TMPRSS15: variants seen among roughly 807,000 people sequenced by gnomAD.
TMPRSS15 encodes transmembrane serine protease 15, also known as enteropeptidase.
TMPRSS15 carries 128 observed loss-of-function variants against 125.3 expected under a neutral mutation model. The observed-to-expected ratio is 1.02, with a 90% confidence interval of 0.89 to 1.18. The LOEUF is 1.18. Ranked by LOEUF, TMPRSS15 falls within the 50% of genes most tolerant of loss-of-function variation. TMPRSS15 has a pLI of 0.00. For synonymous variants in TMPRSS15, 446 were observed against 423.2 expected, an observed-to-expected ratio of 1.05 and a Z score of -0.66; for missense variants, 1,283 against 1,212.7, an observed-to-expected ratio of 1.06 and a Z score of -0.86.
intron 13 of TMPRSS15, among the ~76,000 whole-genome samples, chr21:18,336,005 C>T (rs1472399398): frequency 1.3e-5 from 2 of 151,240 alleles, no homozygotes; most frequent in Non-Finnish European, 2.9e-5. Context: ...TCTTACTATG[C>T]CAATAGGGAT....
At chr21:18,438,426 T>C (rs567420323) in intron 1 of TMPRSS15, among the ~76,000 whole-genome samples, 42 of 152,070 alleles carry the variant, frequency 2.8e-4, no homozygotes, top group African/African-American at 9.6e-4. Context: ...TGTATACATA[T>C]GTAACTAACC....
intron 21 of TMPRSS15, among the ~76,000 whole-genome samples, chr21:18,292,968 A>G (rs1271860200): frequency 1.3e-5 from 2 of 152,176 alleles, no homozygotes; most frequent in African/African-American, 2.4e-5. Flanking sequence ...GTAACACTCA[A>G]TGGATAGAAT....
chr21:18,280,753 A>G (rs552389489), intron 22 of TMPRSS15, among the ~76,000 whole-genome samples: 2 of 152,148 alleles, frequency 1.3e-5, no homozygotes, highest in Non-Finnish European at 1.5e-5. Flanking sequence ...GAGGGCATGC[A>G]TAATAACATC....
chr21:18,315,130 T>C lies in TMPRSS15; in HGVS notation c.2032+16A>G, dbSNP rs2075147951. 6.3e-7 allele frequency: 1 copy of C among 1,598,266 alleles called. No individual in the cohort carries two copies. ...GGCTAAAGTCATAAAAGTATTTTCC[T>C]AAAAATAAGACATACCACAATCTGC... is the stretch of plus-strand genomic sequence containing the variant. On this transcript the variant is annotated intron_variant, in intron 17 of 24. Coordinates refer to ENST00000284885, the MANE Select transcript of TMPRSS15 (RefSeq NM_002772.3).
chr21:18,364,749 GATTTCCAC>G (rs1296954902), intron 7 of TMPRSS15, among the ~76,000 whole-genome samples: 2 of 152,190 alleles, frequency 1.3e-5, no homozygotes, highest in Non-Finnish European at 2.9e-5. Context: ...CACCTTTAGA[GATTTCCAC>G]ATGGTAAGCA....
At chr21:18,343,005 T>A (rs534763707) in intron 12 of TMPRSS15, among the ~76,000 whole-genome samples, 1 of 152,342 alleles carries the variant, frequency 6.6e-6, no homozygotes, top group East Asian at 1.9e-4. Flanking sequence ...CACCTTAATG[T>A]GAAATAAATG....
intron 1 of TMPRSS15, among the ~76,000 whole-genome samples, chr21:18,456,674 T>C (rs1978447636): frequency 6.6e-6 from 1 of 152,106 alleles, no homozygotes; most frequent in Non-Finnish European, 1.5e-5. Flanking sequence ...GAGCTGTATA[T>C]TATTCATTAA....
intron 18 of TMPRSS15, among the ~76,000 whole-genome samples, chr21:18,298,423 T>C (rs940999793): frequency 2.6e-5 from 4 of 152,208 alleles, no homozygotes; most frequent in African/African-American, 4.8e-5. Context: ...ACTATGCAGC[T>C]TTGGCCTGCA....
intron 17 of TMPRSS15, among the ~76,000 whole-genome samples, chr21:18,314,078 C>A (rs866573580): frequency 4.6e-5 from 7 of 151,920 alleles, no homozygotes; most frequent in Admixed American, 4.6e-4. Flanking sequence ...GTCTTACCTA[C>A]AAACACTATG....
In TMPRSS15 at chr21:18,427,077, G is replaced by A. The variant is rs1199110345; in HGVS notation, c.11-28748C>T. ...CCATTTCATTGTAATTAATATCACTGGTTATTAGCTGTTCTTACAAAGGAA... is the reference window on the plus strand; with the variant it reads ...CCATTTCATTGTAATTAATATCACTAGTTATTAGCTGTTCTTACAAAGGAA... On this transcript the variant is annotated intron_variant, in intron 1 of 7. Coordinates refer to the TMPRSS15 transcript ENST00000422787. Among the ~76,000 whole-genome samples, 8 of 152,176 alleles carry A rather than the reference G, an allele frequency of 5.3e-5. No individual in the cohort carries two copies. The South Asian group carries it at 1.4e-3, about 28-fold the overall frequency.
intron 24 of TMPRSS15, among the ~76,000 whole-genome samples, chr21:18,270,336 T>C (rs1304013643): frequency 6.6e-6 from 1 of 152,180 alleles, no homozygotes; most frequent in Non-Finnish European, 1.5e-5. Flanking sequence ...AAGACATCAT[T>C]TATAATTTTT....
At chr21:18,380,616 A>C (rs2075884555) in intron 4 of TMPRSS15, 1 of 470,454 alleles carries the variant, frequency 2.1e-6, no homozygotes, top group South Asian at 1.6e-5. Flanking sequence ...TTAACACATG[A>C]GTTTATGATA....
At chr21:18,372,468 A>G in intron 5 of TMPRSS15, 144 bp from the exon 6 acceptor site, 2 of 796,010 alleles carry the variant, frequency 2.5e-6, no homozygotes, top group Non-Finnish European at 3.9e-6. Flanking sequence ...TTTGCAAATC[A>G]ATCATTTGTA....
chr21:18,309,731 AC>A (rs1216843070), intron 18 of TMPRSS15, among the ~76,000 whole-genome samples: 1 of 152,212 alleles, frequency 6.6e-6, no homozygotes. Flanking sequence ...ACAATGAGAT[AC>A]CATCTCACGC....
intron 1 of TMPRSS15, among the ~76,000 whole-genome samples, chr21:18,455,770 T>G (rs778463869): frequency 6.6e-6 from 1 of 152,156 alleles, no homozygotes; most frequent in Non-Finnish European, 1.5e-5. Context: ...ATATGTGTAA[T>G]AATTAACTCC....
At chr21:18,376,679 A>T (rs1228625242) in intron 5 of TMPRSS15, among the ~76,000 whole-genome samples, 2 of 152,100 alleles carry the variant, frequency 1.3e-5, no homozygotes, top group Non-Finnish European at 1.5e-5. Context: ...TCCCTCAAAC[A>T]CGGGAGCAAT....
rs538295661 is a variant in TMPRSS15 at position 18,371,610 on chromosome 21, A to G, written c.664+583T>C. Among the ~76,000 whole-genome samples, 11 of 152,332 alleles carry G rather than the reference A, an allele frequency of 7.2e-5. No individual in the cohort carries two copies. In the South Asian group the frequency reaches 1.2e-3, roughly 17 times the overall value. On this transcript the variant is annotated intron_variant, in intron 6 of 24. Transcript: ENST00000284885. ...ACTCAAAAAATGCCAAAATATACAA[A>G]TGAAACACAGAAGTTTTACTTATGA...
chr21:18,328,628 G>C (rs2075315578), intron 15 of TMPRSS15, among the ~76,000 whole-genome samples: 1 of 152,056 alleles, frequency 6.6e-6, no homozygotes, highest in Non-Finnish European at 1.5e-5. Context: ...TGGCTGGAAA[G>C]GCTACTGGGA....
At chr21:18,405,640 G>A (rs1004828958), upstream of TMPRSS15, among the ~76,000 whole-genome samples, 2 of 152,148 alleles carry the variant, frequency 1.3e-5, no homozygotes, top group African/African-American at 4.8e-5. Context: ...ATTAATAATA[G>A]GTTAGAAAAG....
Sources: gnomAD v4.1 joint callset for allele counts (sites outside exome capture counted in the v4.1 genomes callset) on GRCh38, gnomAD v4.1.1 for gene constraint, MANE v1.5 for transcripts, NCBI Gene and HGNC (gene_info 2026-07-23, HGNC 2026-07-21) for gene names.